WWP1: variants seen among roughly 807,000 people sequenced by gnomAD.
WWP1 encodes NEDD4-like E3 ubiquitin-protein ligase WWP1.
In WWP1, 49 loss-of-function variants were observed where a neutral mutation model predicts 130.6. That is an observed-to-expected ratio of 0.38 (90% CI 0.30 to 0.48). The LOEUF is 0.48. Among genes scored for constraint, WWP1 ranks in the 20% least tolerant of loss-of-function variants. The probability of loss-of-function intolerance (pLI) is 0.99; values close to 1 mark genes in which losing one functional copy is unlikely to be tolerated. For missense variants in WWP1, 809 were observed against 1,100.6 expected (o/e 0.74, Z 3.75); for synonymous variants, 332 against 367.8 (o/e 0.90, Z 1.11).
chr8:86,375,736 A>G (rs1474505832), intron 3 of WWP1, among the ~76,000 whole-genome samples: 1 of 152,208 alleles, frequency 6.6e-6, no homozygotes, highest in Admixed American at 6.5e-5. Flanking sequence ...ATAACTTCAT[A>G]CAAAAGTCGT....
intron 20 of WWP1, among the ~76,000 whole-genome samples, chr8:86,449,180 T>A (rs1811044081): frequency 6.6e-6 from 1 of 152,202 alleles, no homozygotes; most frequent in African/African-American, 2.4e-5. Flanking sequence ...TCCTATTTCC[T>A]AAATGTAGGC....
At position 86,417,010 on chromosome 8, in the gene WWP1, C is replaced by T. The variant is rs561249164; in HGVS notation, c.1061+5136C>T. 6.8e-4 allele frequency among the ~76,000 whole-genome samples: 104 copies of T among 152,230 alleles called. 1 individual carries two copies. Among genetic ancestry groups the T allele is most frequent in the Non-Finnish European group, 8.8e-5 (6 of 68,010 alleles). On this transcript the variant is annotated intron_variant, in intron 9 of 24. Transcript: ENST00000517970. ...GACTCACTTTTGGTAGCTACCAGGT[C>T]CCAAGCCTTGGACACATACCCTGGG...
intron 24 of WWP1, among the ~76,000 whole-genome samples, chr8:86,464,683 T>C (rs1162169962): frequency 6.6e-6 from 1 of 152,116 alleles, no homozygotes; most frequent in Non-Finnish European, 1.5e-5. Flanking sequence ...GCCTGGCTAA[T>C]TTTTTAATTT....
intron 5 of WWP1, among the ~76,000 whole-genome samples, chr8:86,389,030 G>T (rs1264174016): frequency 1.3e-5 from 2 of 152,058 alleles, no homozygotes; most frequent in African/African-American, 4.8e-5. Context: ...TTGATAACTT[G>T]CTTAAAGTTA....
intron 1 of WWP1, among the ~76,000 whole-genome samples, chr8:86,357,424 G>T (rs543368537): frequency 6.6e-6 from 1 of 152,252 alleles, no homozygotes; most frequent in Non-Finnish European, 1.5e-5. Flanking sequence ...AGTATGAAAA[G>T]TATGATGGTT....
In WWP1 at chr8:86,425,334, T is replaced by G. The variant is rs182039699; in HGVS notation, c.1157+16T>G. 2.5e-3 allele frequency: 3,913 copies of G among 1,569,914 alleles called. 17 individuals carry two copies. Among genetic ancestry groups the G allele is most frequent in the Non-Finnish European group, 2.3e-3 (2,618 of 1,154,506 alleles). ...TACCTCCAGGGTAATATAGCACTCTTTATGCATTTGTAATTATATTTTATC... is the reference window on the plus strand; with the variant it reads ...TACCTCCAGGGTAATATAGCACTCTGTATGCATTTGTAATTATATTTTATC... On this transcript the variant is annotated intron_variant, in intron 10 of 24. Transcript: ENST00000517970.
chr8:86,389,943 C>G (rs1426389185), intron 5 of WWP1, among the ~76,000 whole-genome samples: 1 of 150,382 alleles, frequency 6.6e-6, no homozygotes, highest in Non-Finnish European at 1.5e-5. Flanking sequence ...CCGGACGGGG[C>G]GGCTGCCAGG....
chr8:86,367,716 A>G (rs568959886), intron 1 of WWP1, among the ~76,000 whole-genome samples: 1 of 152,312 alleles, frequency 6.6e-6, no homozygotes, highest in South Asian at 2.1e-4. Context: ...TGCTTTCTAA[A>G]TTGCTGAACC....
At chr8:86,357,358 T>C (rs1034097956) in intron 1 of WWP1, among the ~76,000 whole-genome samples, 1 of 152,212 alleles carries the variant, frequency 6.6e-6, no homozygotes, top group African/African-American at 2.4e-5. Flanking sequence ...TTTATATGAC[T>C]GCTAACAGCC....
intron 16 of WWP1, among the ~76,000 whole-genome samples, chr8:86,438,379 T>C (rs757560533): frequency 6.6e-6 from 1 of 152,190 alleles, no homozygotes; most frequent in Non-Finnish European, 1.5e-5. Flanking sequence ...CAACTATATG[T>C]GAAAGTGAGT....
At chr8:86,448,883 C>T (rs1371927318) in intron 20 of WWP1, among the ~76,000 whole-genome samples, 1 of 152,106 alleles carries the variant, frequency 6.6e-6, no homozygotes, top group Non-Finnish European at 1.5e-5. Flanking sequence ...TCGCTCAGGC[C>T]GTCGTAGTGG....
intron 4 of WWP1, 125 bp downstream of exon 4, chr8:86,380,989 TA>T (rs1824951787): frequency 4.1e-6 from 5 of 1,221,418 alleles, no homozygotes; most frequent in African/African-American, 1.6e-5. Flanking sequence ...ATCGACAATT[TA>T]AAGTATGGAG....
chr8:86,425,066 G>GTA (rs929753789), intron 9 of WWP1, among the ~76,000 whole-genome samples, 157 bp from the exon 10 acceptor site: 151 of 151,722 alleles, frequency 1.0e-3, no homozygotes, highest in African/African-American at 3.4e-3. Context: ...GAACACTTCT[G>GTA]TATATATATA....
Position 86,461,464 on chromosome 8 carries a change from G to C in WWP1, c.2596+144G>C, listed in dbSNP as rs546194575. 4.7e-5 allele frequency: 34 copies of C among 724,768 alleles called. No individual in the cohort carries two copies. In the African/African-American group the frequency reaches 5.4e-4, roughly 11 times the overall value. The allele number at this position is 724,768 out of a possible 1,614,324, so 44.9% of individuals were successfully genotyped here. A position where few individuals can be genotyped will look rare whatever the true frequency, so the allele number is the denominator to read the frequency against. On this transcript the variant is annotated intron_variant, in intron 23 of 24. Transcript: ENST00000517970. Reference sequence around the variant, plus strand: ...CATTTAGAAGAAAGAAAAATGAGTGGCTAATATCAAAGCACTTGTAAGACA... The same window carrying C: ...CATTTAGAAGAAAGAAAAATGAGTGCCTAATATCAAAGCACTTGTAAGACA...
intron 18 of WWP1, among the ~76,000 whole-genome samples, chr8:86,444,449 T>A (rs1810754270): frequency 1.3e-5 from 2 of 152,214 alleles, no homozygotes; most frequent in Non-Finnish European, 2.9e-5. Context: ...ATAGAGAGTA[T>A]TAAAAGGCAA....
chr8:86,456,524 A>G (rs1226226142), intron 21 of WWP1, among the ~76,000 whole-genome samples: 1 of 152,074 alleles, frequency 6.6e-6, no homozygotes, highest in Admixed American at 6.5e-5. Context: ...TCAAAGCACC[A>G]CTTTGAGATA....
chr8:86,417,412 A>T (rs539345057), intron 9 of WWP1: 19 of 152,346 alleles, frequency 1.2e-4, no homozygotes, highest in African/African-American at 4.1e-4. Context: ...GCATTCTAGA[A>T]AATGCACTTT....
intron 24 of WWP1, among the ~76,000 whole-genome samples, chr8:86,465,953 T>C (rs1812079731): frequency 6.6e-6 from 1 of 152,058 alleles, no homozygotes; most frequent in Non-Finnish European, 1.5e-5. Flanking sequence ...CAAGGGCACA[T>C]GGAAAGTGGT....
At position 86,467,747 on chromosome 8, in the gene WWP1, A is replaced by C. The variant is rs1457057458; in HGVS notation, c.*854A>C. Reference sequence around the variant, plus strand: ...AATAAATTGATGCAATTTCATACTTAGGAACATACAAAAGGTAATGTAAAC... The same window carrying C: ...AATAAATTGATGCAATTTCATACTTCGGAACATACAAAAGGTAATGTAAAC... On this transcript the variant is annotated 3_prime_UTR_variant, in exon 25 of 25. Transcript: ENST00000517970. The C allele has an allele frequency of 1.3e-5, 2 of 152,192 alleles. No individual in the cohort carries two copies. The highest frequency in any genetic ancestry group is 4.1e-4 in the South Asian group (2 of 4,834). The allele number at this position is 152,192 out of a possible 1,614,324, so 9.4% of individuals were successfully genotyped here.
Sources: allele counts gnomAD v4.1 joint callset (sites outside exome capture counted in the v4.1 genomes callset), GRCh38; gene constraint gnomAD v4.1.1; transcripts MANE v1.5; gene names NCBI Gene and HGNC (gene_info 2026-07-23, HGNC 2026-07-21).